PKN2: variants seen among roughly 807,000 people sequenced by gnomAD.
The protein encoded by PKN2 is protein kinase N2.
A neutral mutation model predicts 119.1 loss-of-function variants in PKN2; 38 were observed. That is an observed-to-expected ratio of 0.32 (90% CI 0.25 to 0.42). The LOEUF (loss-of-function observed/expected upper bound fraction) is 0.42, where lower values mean the gene tolerates loss of function less well. Ranked by LOEUF, PKN2 falls within the 10% of genes least tolerant of loss-of-function variation. The pLI is 1.00. For missense variants in PKN2, 850 were observed against 1,165.1 expected (o/e 0.73, Z 3.94); for synonymous variants, 390 against 384.9 (o/e 1.01, Z -0.15).
At chr1:88,684,687 G>A in intron 1 of PKN2, 59 bp downstream of exon 1, 1 of 1,412,746 alleles carries the variant, frequency 7.1e-7, no homozygotes, top group Non-Finnish European at 9.4e-7. Context: ...AGAGCCCCGC[G>A]CGGCGTCGGG....
At chr1:88,796,735 G>A (rs1011449419) in intron 8 of PKN2, among the ~76,000 whole-genome samples, 2 of 152,064 alleles carry the variant, frequency 1.3e-5, no homozygotes, top group African/African-American at 4.8e-5. Flanking sequence ...CCACTGTATT[G>A]CCAGTATTGA....
At chr1:88,753,840 A>G (rs1669097639) in intron 2 of PKN2, among the ~76,000 whole-genome samples, 1 of 152,110 alleles carries the variant, frequency 6.6e-6, no homozygotes, top group Non-Finnish European at 1.5e-5. Context: ...ACTTAGTTTG[A>G]CATGAGATTG....
intron 6 of PKN2, among the ~76,000 whole-genome samples, chr1:88,774,927 T>C (rs1670033755): frequency 6.6e-6 from 1 of 152,168 alleles, no homozygotes; most frequent in Non-Finnish European, 1.5e-5. Context: ...CAGGCTTGTC[T>C]CAAACTCCCG....
Position 88,805,602 on chromosome 1 carries a change from C to T in PKN2, c.1607C>T (p.Pro536Leu). 6.2e-7 allele frequency: 1 copy of T among 1,614,058 alleles called. No homozygotes were observed. Among genetic ancestry groups the T allele is most frequent in the Non-Finnish European group, 8.5e-7 (1 of 1,179,994 alleles). Residue 536 changes from proline to leucine, a missense_variant, in exon 11 of 22, where the codon CCT becomes CTT. Transcript: ENST00000370521. ...GTAAATCATTCTGGCACCTTCAGCC[C>T]TCAAGCTCCTGTGCCTACTACAGTG... ...PTVNHSGTFS[P>L]QAPVPTTVPV...
chr1:88,707,023 G>A (rs1570505010), intron 1 of PKN2, among the ~76,000 whole-genome samples: 4 of 151,436 alleles, frequency 2.6e-5, no homozygotes, highest in Admixed American at 6.6e-5. Flanking sequence ...GTTTTGTTTT[G>A]TTTCAGCTGG....
At chr1:88,698,578 TA>T (rs1455804315) in intron 1 of PKN2, among the ~76,000 whole-genome samples, 1 of 152,190 alleles carries the variant, frequency 6.6e-6, no homozygotes, top group East Asian at 1.9e-4. Context: ...GCTTAACTTT[TA>T]AAAAATTTTT....
chr1:88,802,813 TATTA>T (rs879844052), intron 8 of PKN2, among the ~76,000 whole-genome samples: 1 of 152,270 alleles, frequency 6.6e-6, no homozygotes, highest in Admixed American at 6.5e-5. Flanking sequence ...TTTTAACAAG[TATTA>T]ATTCTGTCTC....
intron 19 of PKN2, among the ~76,000 whole-genome samples, chr1:88,829,945 T>C (rs1348957190): frequency 6.6e-6 from 1 of 152,200 alleles, no homozygotes; most frequent in African/African-American, 2.4e-5. Context: ...GGTATGTCAA[T>C]TTGAAGTGGA....
intron 1 of PKN2, among the ~76,000 whole-genome samples, chr1:88,720,835 A>G (rs1255667324): frequency 6.6e-6 from 1 of 152,150 alleles, no homozygotes; most frequent in East Asian, 1.9e-4. Context: ...ACGCCTTTGC[A>G]TCTCATAGCT....
chr1:88,707,530 A>G (rs1304361536), intron 1 of PKN2, among the ~76,000 whole-genome samples: 1 of 152,116 alleles, frequency 6.6e-6, no homozygotes, highest in African/African-American at 2.4e-5. Context: ...TTTTATATAC[A>G]TGATTATAGC....
chr1:88,741,254 A>G lies in PKN2; in HGVS notation c.315A>G (p.Ala105=). 3 of 1,594,272 alleles carry G rather than the reference A, an allele frequency of 1.9e-6. No individual in the cohort carries two copies. The highest frequency in any genetic ancestry group is 2.6e-6 in the Non-Finnish European group (3 of 1,173,918). ...ELHHKLQELN[A]HIVVSDPEDI... is the part of the protein sequence containing the mutation. Reference sequence around the variant, plus strand: ...ATCACAAGCTGCAGGAATTAAATGCACATATTGTTGTATCAGATCCAGAAG... The same window carrying G: ...ATCACAAGCTGCAGGAATTAAATGCGCATATTGTTGTATCAGATCCAGAAG... The change falls in exon 2 of 22, where the codon GCA becomes GCG. Residue 105 remains alanine, a synonymous_variant. Transcript: ENST00000370521.
intron 1 of PKN2, among the ~76,000 whole-genome samples, chr1:88,714,283 A>G (rs1273554581): frequency 6.6e-6 from 1 of 152,162 alleles, no homozygotes; most frequent in African/African-American, 2.4e-5. Flanking sequence ...TTGGTTCCGT[A>G]TGAACTTTAA....
intron 20 of PKN2, 69 bp from the exon 21 acceptor site, chr1:88,833,006 AGT>A: frequency 7.2e-7 from 1 of 1,391,964 alleles, no homozygotes; most frequent in Non-Finnish European, 9.8e-7. Context: ...AGTTTTTTAA[AGT>A]AATAATCCTT....
intron 1 of PKN2, among the ~76,000 whole-genome samples, chr1:88,725,112 A>G (rs2100714338): frequency 6.6e-6 from 1 of 152,088 alleles, no homozygotes; most frequent in African/African-American, 2.4e-5. Context: ...CAATATGTTT[A>G]TCCTTTTCCC....
At chr1:88,813,826 C>G in intron 16 of PKN2, 93 bp downstream of exon 16, 1 of 1,091,500 alleles carries the variant, frequency 9.2e-7, no homozygotes, top group Non-Finnish European at 1.3e-6. Flanking sequence ...ATTTTTTTTC[C>G]TAACAGAAAA....
intron 15 of PKN2, among the ~76,000 whole-genome samples, chr1:88,808,190 A>G (rs924771081): frequency 6.6e-6 from 1 of 152,146 alleles, no homozygotes; most frequent in Non-Finnish European, 1.5e-5. Context: ...AAAGCAGAAT[A>G]TGTTATCTTA....
rs373098773 is a variant in PKN2 at position 88,786,137 on chromosome 1, C to T, written c.1205C>T (p.Thr402Ile). 6.6e-5 allele frequency: 107 copies of T among 1,612,228 alleles called. No homozygotes were observed. The highest frequency in any genetic ancestry group is 1.4e-5 in the Non-Finnish European group (16 of 1,178,468). ...TGTGCTGTTTTGAAGCTCGATAATA[C>T]TGTGGTTGGCCAAACTAGCTGGAAA... ...DVCAVLKLDN[T>I]VVGQTSWKPI... is the part of the protein sequence containing the mutation. The change falls in exon 8 of 22, where the codon ACT (threonine) becomes ATT (isoleucine). Residue 402 changes from threonine (T) to isoleucine (I), a missense_variant. By Grantham distance (89) the Thr-to-Ile change is moderately conservative. This residue lies in a region of PKN2 where 350 missense variants were observed against 511.1 expected (regional missense o/e 0.68). Transcript: ENST00000370521.
chr1:88,761,838 G>C (rs1375237252), intron 3 of PKN2, among the ~76,000 whole-genome samples: 1 of 152,114 alleles, frequency 6.6e-6, no homozygotes, highest in African/African-American at 2.4e-5. Context: ...TTGGATGATA[G>C]AGTTATTTTT....
intron 7 of PKN2, among the ~76,000 whole-genome samples, chr1:88,785,587 A>G (rs561205609): frequency 3.9e-5 from 6 of 152,164 alleles, no homozygotes; most frequent in Admixed American, 3.9e-4. Context: ...AGGTTTGGAA[A>G]GCACTGGGGA....
Sources: gnomAD v4.1 joint callset for allele counts (sites outside exome capture counted in the v4.1 genomes callset) on GRCh38, gnomAD v4.1.1 for gene constraint, gnomAD v4.1.1 regional missense constraint, MANE v1.5 for transcripts, NCBI Gene and HGNC (gene_info 2026-07-23, HGNC 2026-07-21) for gene names.